ARHGAP29: variants seen among roughly 807,000 people sequenced by gnomAD.
ARHGAP29 encodes Rho GTPase activating protein 29.
Under a neutral mutation model 122.6 loss-of-function variants are expected in ARHGAP29, and 43 were observed. The ratio of observed to expected loss-of-function variants is 0.35; its 90% CI spans 0.27 to 0.45. The LOEUF (loss-of-function observed/expected upper bound fraction) is 0.45. Among genes scored for constraint, ARHGAP29 ranks in the 20% least tolerant of loss-of-function variants. The pLI, the probability that ARHGAP29 is intolerant of heterozygous loss-of-function variation, is 1.00. For missense variants in ARHGAP29, 1,303 were observed against 1,477.2 expected (o/e 0.88, Z 1.93); for synonymous variants, 506 against 497.1 (o/e 1.02, Z -0.24).
chr1:94,190,120 A>G (rs752874257), intron 12 of ARHGAP29, 37 bp from the exon 13 acceptor site: 2 of 1,599,650 alleles, frequency 1.3e-6, no homozygotes, highest in East Asian at 2.2e-5. Flanking sequence ...GTAACTCATG[A>G]TATACAGAAT....
chr1:94,177,892 A>G lies in ARHGAP29; in HGVS notation c.2756T>C (p.Ile919Thr), dbSNP rs752105531. Residue 919 changes from isoleucine (I) to threonine (T), a missense_variant, in exon 21 of 23, where the codon ATT (isoleucine) becomes ACT (threonine). This residue lies in a region of ARHGAP29 where 620 missense variants were observed against 651.2 expected (regional missense o/e 0.95). Transcript: ENST00000260526. ...AAATAGTGACTTCATGGAACGTTCA[A>G]TGTCTCTTTCTTCTGGTGATAACAG... ...KPLLSPEERD[I>T]ERSMKSLFFS... 1 of 1,613,866 alleles carries G rather than the reference A, an allele frequency of 6.2e-7. No homozygotes were observed. Among genetic ancestry groups the G allele is most frequent in the Admixed American group, 1.7e-5 (1 of 59,982 alleles).
In ARHGAP29 at chr1:94,172,612, GATATATATATATAT is replaced by G. The variant is rs55712972; in HGVS notation, c.*1243_*1256del. The G allele has an allele frequency of 6.9e-6, 1 of 145,060 alleles. No individual in the cohort carries two copies. The highest frequency in any genetic ancestry group is 1.5e-5 in the Non-Finnish European group (1 of 66,296). 9.0% of individuals were successfully genotyped at this position (145,060 alleles called of 1,614,324 possible). ...GGAACATGAAATAATTTAACAAGTT[GATATATATATATAT>G]ATATATTATCAAGTATAACACAGTC... is the stretch of plus-strand genomic sequence containing the variant. On this transcript the variant is annotated 3_prime_UTR_variant, in exon 23 of 23. Transcript: ENST00000260526.
chr1:94,197,562 T>G (rs1650551494), intron 12 of ARHGAP29, among the ~76,000 whole-genome samples: 1 of 152,174 alleles, frequency 6.6e-6, no homozygotes, highest in African/African-American at 2.4e-5. Context: ...AAAAACATTT[T>G]TTTTAGACAT....
At chr1:94,291,611 A>G in the ARHGAP29 span, among the ~76,000 whole-genome samples, 337 of 152,252 alleles carry the variant, frequency 2.2e-3, 1 homozygote, top group African/African-American at 8.0e-3. Flanking sequence ...TTCCATGTTT[A>G]GTGCTTCCTT....
At chr1:94,237,959 G>T (rs965540226), upstream of ARHGAP29, among the ~76,000 whole-genome samples, 1 of 151,748 alleles carries the variant, frequency 6.6e-6, no homozygotes, top group Non-Finnish European at 1.5e-5. Context: ...GGCGCCACAC[G>T]TCTGAATGAA....
intron 1 of ARHGAP29, among the ~76,000 whole-genome samples, chr1:94,263,017 G>A (rs1054339640): frequency 7.9e-5 from 12 of 152,114 alleles, no homozygotes; most frequent in Non-Finnish European, 1.5e-4. Flanking sequence ...ACGGTAATCT[G>A]GATAAAGAAA....
chr1:94,235,322 C>T (rs1999270), intron 1 of ARHGAP29, among the ~76,000 whole-genome samples: 134,541 of 152,226 alleles, frequency 0.88, 59,667 homozygotes, highest in Non-Finnish European at 0.92. Flanking sequence ...CTTTCTCATG[C>T]GCGAAAATGA....
rs183800433 is a variant in ARHGAP29 at position 94,217,290 on chromosome 1, T to C, written c.340+2968A>G. Among the ~76,000 whole-genome samples the C allele has an allele frequency of 3.3e-5, 5 of 152,224 alleles. No individual in the cohort carries two copies. In the East Asian group the frequency reaches 9.7e-4, roughly 29 times the overall value. ...GGCTCATGCCTGTAATCCCAGCACT[T>C]TGGAAGGCTGAGGCAGGCAGATCAC... On this transcript the variant is annotated intron_variant, in intron 3 of 22. Coordinates refer to ENST00000260526, the MANE Select transcript of ARHGAP29 (RefSeq NM_004815.4).
chr1:94,174,374 G>A lies in ARHGAP29; in HGVS notation c.3281C>T (p.Thr1094Ile). ...GAGTGCACTGGGCATGATCATTGTA[G>A]TCTTGGCAGTTAGGCTGTTTTGTTC... ...QYEQNSLTAK[T>I]TMIMPSALQE... Residue 1094 changes from threonine to isoleucine, a missense_variant, in exon 23 of 23, where the codon ACT becomes ATT. By Grantham distance (89) the Thr-to-Ile change is moderately conservative. Transcript: ENST00000260526. 1 of 1,614,150 alleles carries A rather than the reference G, an allele frequency of 6.2e-7. No homozygotes were observed. The highest frequency in any genetic ancestry group is 8.5e-7 in the Non-Finnish European group (1 of 1,180,026).
intron 2 of ARHGAP29, among the ~76,000 whole-genome samples, chr1:94,231,064 C>G (rs1259658102): frequency 1.3e-5 from 2 of 151,900 alleles, no homozygotes; most frequent in Non-Finnish European, 2.9e-5. Flanking sequence ...CATTAGTCAG[C>G]TTATTTAAGA....
At chr1:94,291,811 C>T in the ARHGAP29 span, among the ~76,000 whole-genome samples, 1 of 152,174 alleles carries the variant, frequency 6.6e-6, no homozygotes, top group Non-Finnish European at 1.5e-5. Context: ...GGGTTTCTGT[C>T]AAGAGATCCA....
chr1:94,202,880 TCA>T, intron 10 of ARHGAP29, 36 bp downstream of exon 10: 1 of 1,569,348 alleles, frequency 6.4e-7, no homozygotes, highest in East Asian at 2.2e-5. Flanking sequence ...TTTTAAATGT[TCA>T]CAAATAGGTA....
chr1:94,267,573 T>G (rs1654820178), intron 1 of ARHGAP29, among the ~76,000 whole-genome samples: 1 of 151,574 alleles, frequency 6.6e-6, no homozygotes, highest in Admixed American at 6.6e-5. Context: ...GAGTGAAAAT[T>G]TAATTCACCT....
At chr1:94,242,007 T>G (rs749164366), upstream of ARHGAP29, among the ~76,000 whole-genome samples, 21 of 151,886 alleles carry the variant, frequency 1.4e-4, no homozygotes, top group Non-Finnish European at 2.8e-4. Flanking sequence ...TCCAGGAGAT[T>G]GGAGTTGCCA....
At chr1:94,285,353 T>A in the ARHGAP29 span, among the ~76,000 whole-genome samples, 1 of 151,216 alleles carries the variant, frequency 6.6e-6, no homozygotes, top group Admixed American at 6.6e-5. Context: ...AAAAAAAAAA[T>A]ACAGTCCCGG....
chr1:94,212,989 G>GA (rs912490701), intron 3 of ARHGAP29, among the ~76,000 whole-genome samples: 8 of 151,756 alleles, frequency 5.3e-5, no homozygotes, highest in Non-Finnish European at 1.2e-4. Context: ...TTTCCTATGT[G>GA]AAAAAAATGT....
At chr1:94,262,797 T>G (rs1030662253) in intron 1 of ARHGAP29, among the ~76,000 whole-genome samples, 10 of 152,200 alleles carry the variant, frequency 6.6e-5, no homozygotes, top group Admixed American at 2.0e-4. Flanking sequence ...TTGTACATTG[T>G]TGGTGGGAGT....
At chr1:94,209,029 T>C in intron 4 of ARHGAP29, 125 bp from the exon 5 acceptor site, 1 of 930,482 alleles carries the variant, frequency 1.1e-6, no homozygotes, top group South Asian at 1.7e-5. Context: ...CCCCTAGGAA[T>C]CTGTTCACAT....
intron 12 of ARHGAP29, among the ~76,000 whole-genome samples, chr1:94,196,540 C>A (rs1401094984): frequency 6.6e-6 from 1 of 151,886 alleles, no homozygotes; most frequent in African/African-American, 2.4e-5. Flanking sequence ...GGATTACAGG[C>A]GTGAGCCACC....
Sources: allele counts gnomAD v4.1 joint callset (sites outside exome capture counted in the v4.1 genomes callset), GRCh38; gene constraint gnomAD v4.1.1; regional missense constraint gnomAD v4.1.1; transcripts MANE v1.5; gene names NCBI Gene and HGNC (gene_info 2026-07-23, HGNC 2026-07-21).